The following GOLM2 variants were observed in gnomAD, a reference collection of about 807,000 sequenced individuals.
The protein encoded by GOLM2 is golgi membrane protein 2.
In GOLM2, 26 loss-of-function variants were observed where a neutral mutation model predicts 55.9. The observed-to-expected ratio is 0.47, with a 90% CI of 0.34 to 0.65. The LOEUF is 0.65. GOLM2 is among the 30% of genes least tolerant of loss of function. The pLI, the probability that GOLM2 is intolerant of heterozygous loss-of-function variation, is 0.01. For synonymous variants in GOLM2, 165 were observed against 194.6 expected (o/e 0.85, Z 1.27); for missense variants, 486 against 531.8 (o/e 0.91, Z 0.85).
At position 44,368,732 on chromosome 15, in the gene GOLM2, TATATAC is replaced by T. The variant is rs750152686; in HGVS notation, c.803-10940_803-10935del. ...ATATATATACACATATACACACATATATATACATATACATATACATATATATATAAA... is the reference window on the plus strand; with the variant it reads ...ATATATATACACATATACACACATATATATACATATACATATATATATAAA... On this transcript the variant is annotated intron_variant, in intron 6 of 9. Coordinates refer to ENST00000299957, the MANE Select transcript of GOLM2 (RefSeq NM_138423.4). Among the ~76,000 whole-genome samples the T allele has an allele frequency of 2.6e-3, 393 of 151,718 alleles. 2 individuals carry two copies. The highest frequency in any genetic ancestry group is 5.9e-3 in the African/African-American group (246 of 41,394).
intron 1 of GOLM2, among the ~76,000 whole-genome samples, chr15:44,310,598 C>A (rs2078869196): frequency 6.6e-6 from 1 of 151,386 alleles, no homozygotes; most frequent in Non-Finnish European, 1.5e-5. Context: ...GAGGTAGGAT[C>A]CCAGGAGTTG....
At position 44,367,664 on chromosome 15, in the gene GOLM2, G is replaced by T. The variant is rs1304276993; in HGVS notation, c.803-12026G>T. Among the ~76,000 whole-genome samples, 6 of 151,984 alleles carry T rather than the reference G, an allele frequency of 3.9e-5. No homozygotes were observed. In the East Asian group the frequency reaches 1.2e-3, roughly 29 times the overall value. Reference sequence around the variant, plus strand: ...ACAAAAATTAGTTGGGCCTGGTGGCGTGGGCCTGCAGTCCCAGCTACTCGT... The same window carrying T: ...ACAAAAATTAGTTGGGCCTGGTGGCTTGGGCCTGCAGTCCCAGCTACTCGT... On this transcript the variant is annotated intron_variant, in intron 6 of 9. Coordinates refer to ENST00000299957, the MANE Select transcript of GOLM2 (RefSeq NM_138423.4).
Position 44,332,005 on chromosome 15 carries a change from A to G in GOLM2, c.503A>G (p.Gln168Arg). Residue 168 changes from glutamine to arginine, a missense_variant, in exon 4 of 10, where the codon CAG (glutamine) becomes CGG (arginine). By Grantham distance (43) the Gln-to-Arg change is conservative (BLOSUM62 1). Transcript: ENST00000299957. ...TAATTTAGTTTTCAGTGTGGACAGC[A>G]GATGAAGGAATTGAGAGCACAGCAT... ...LEYESFQCGQ[Q>R]MKELRAQHEE... 1 of 1,605,222 alleles carries G rather than the reference A, an allele frequency of 6.2e-7. No homozygotes were observed. The highest frequency in any genetic ancestry group is 8.5e-7 in the Non-Finnish European group (1 of 1,174,370).
At chr15:44,313,138 AC>A in intron 1 of GOLM2, among the ~76,000 whole-genome samples, 1 of 152,076 alleles carries the variant, frequency 6.6e-6, no homozygotes, top group Non-Finnish European at 1.5e-5. Flanking sequence ...AATCCCAGCT[AC>A]TTGGGAGGCT....
At chr15:44,337,706 T>C (rs776735438) in intron 4 of GOLM2, 57 bp from the exon 5 acceptor site, 19 of 1,234,100 alleles carry the variant, frequency 1.5e-5, no homozygotes, top group Non-Finnish European at 2.1e-5. Context: ...TTAATAGTTG[T>C]GTCGGTGGTT....
chr15:44,363,915 T>A (rs1203147485), intron 6 of GOLM2, among the ~76,000 whole-genome samples: 1 of 151,962 alleles, frequency 6.6e-6, no homozygotes, highest in Non-Finnish European at 1.5e-5. Flanking sequence ...AAACTGGAAA[T>A]AATCATTCTC....
At chr15:44,366,769 G>A (rs1263761217) in intron 6 of GOLM2, among the ~76,000 whole-genome samples, 1 of 152,138 alleles carries the variant, frequency 6.6e-6, no homozygotes, top group African/African-American at 2.4e-5. Context: ...TGCCGAGGTG[G>A]GAGTATTGCT....
chr15:44,394,209 G>C (rs767981974), intron 8 of GOLM2, among the ~76,000 whole-genome samples: 7 of 152,198 alleles, frequency 4.6e-5, no homozygotes, highest in Non-Finnish European at 1.0e-4. Flanking sequence ...GGGCTCAGAG[G>C]TTATCTCTCA....
Position 44,338,231 on chromosome 15 carries a change from G to T in GOLM2, c.722-6G>T. On this transcript the variant is annotated splice_polypyrimidine_tract_variant and splice_region_variant and intron_variant, in intron 5 of 9. Transcript: ENST00000299957. Reference sequence around the variant, plus strand: ...ATAGAATTCTATCTTTTTGTTACTTGGGCAGAACAAATCAAAAGAGGTGGT... The same window carrying T: ...ATAGAATTCTATCTTTTTGTTACTTTGGCAGAACAAATCAAAAGAGGTGGT... 6.2e-7 allele frequency: 1 copy of T among 1,610,342 alleles called. No individual in the cohort carries two copies. The highest frequency in any genetic ancestry group is 1.1e-5 in the South Asian group (1 of 90,674).
intron 2 of GOLM2, among the ~76,000 whole-genome samples, chr15:44,325,640 T>C (rs1567025806): frequency 6.6e-6 from 1 of 152,350 alleles, no homozygotes; most frequent in South Asian, 2.1e-4. Flanking sequence ...GTTTGTTTTT[T>C]AGTTACAGTT....
chr15:44,404,880 T>C (rs552334189), intron 9 of GOLM2, among the ~76,000 whole-genome samples: 1 of 152,334 alleles, frequency 6.6e-6, no homozygotes, highest in East Asian at 1.9e-4. Context: ...CTTTAACTTC[T>C]GGTATTACAA....
At chr15:44,402,836 CTTCTT>C in intron 8 of GOLM2, 46 bp from the exon 9 acceptor site, 1 of 1,590,304 alleles carries the variant, frequency 6.3e-7, no homozygotes, top group Non-Finnish European at 8.6e-7. Flanking sequence ...GTATAGATTC[CTTCTT>C]TTCTTCTCTC....
chr15:44,300,065 G>T (rs2078786546), intron 1 of GOLM2, among the ~76,000 whole-genome samples: 1 of 150,736 alleles, frequency 6.6e-6, no homozygotes, highest in Non-Finnish European at 1.5e-5. Context: ...GTGCCACTGT[G>T]CCCTAGCCTG....
chr15:44,341,545 T>C (rs2079090617), intron 6 of GOLM2, among the ~76,000 whole-genome samples: 1 of 152,174 alleles, frequency 6.6e-6, no homozygotes, highest in Non-Finnish European at 1.5e-5. Context: ...GATCTTGTCT[T>C]GACCATTATT....
chr15:44,307,027 T>C (rs925065942), intron 1 of GOLM2, among the ~76,000 whole-genome samples: 14 of 152,102 alleles, frequency 9.2e-5, no homozygotes, highest in African/African-American at 3.1e-4. Flanking sequence ...ATTATCAAAA[T>C]GTGACATAGG....
At chr15:44,386,609 A>C (rs1458446001) in intron 8 of GOLM2, among the ~76,000 whole-genome samples, 1 of 152,210 alleles carries the variant, frequency 6.6e-6, no homozygotes, top group Non-Finnish European at 1.5e-5. Context: ...AGTAGCTCAC[A>C]CCTATAATTC....
At chr15:44,366,314 A>C (rs1364665510) in intron 6 of GOLM2, among the ~76,000 whole-genome samples, 2 of 150,692 alleles carry the variant, frequency 1.3e-5, no homozygotes, top group African/African-American at 2.4e-5. Context: ...AAAAAAAAAA[A>C]CAAAACAAAC....
At chr15:44,334,631 TA>T (rs2079044208) in intron 4 of GOLM2, among the ~76,000 whole-genome samples, 1 of 152,358 alleles carries the variant, frequency 6.6e-6, no homozygotes, top group Non-Finnish European at 1.5e-5. Flanking sequence ...TGTTCATACA[TA>T]AAATTTTATT....
intron 6 of GOLM2, among the ~76,000 whole-genome samples, chr15:44,372,883 T>G (rs2079337512): frequency 6.6e-6 from 1 of 152,172 alleles, no homozygotes; most frequent in African/African-American, 2.4e-5. Flanking sequence ...GCCTTTGTAC[T>G]TGCTCGTCTT....
Sources: allele counts gnomAD v4.1 joint callset (sites outside exome capture counted in the v4.1 genomes callset), GRCh38; gene constraint gnomAD v4.1.1; transcripts MANE v1.5; gene names NCBI Gene and HGNC (gene_info 2026-07-23, HGNC 2026-07-21).